The following RSPO1 variants were observed in gnomAD, a reference collection of about 807,000 sequenced individuals.
RSPO1 encodes the protein R-spondin 1.
RSPO1 carries 18 observed loss-of-function variants against 26.0 expected under a neutral mutation model. The ratio of observed to expected loss-of-function variants is 0.69; its 90% CI spans 0.48 to 1.03. RSPO1 has a LOEUF of 1.03. RSPO1 is among the 50% of genes least tolerant of loss of function. The pLI is 0.00. For synonymous variants in RSPO1, 133 were observed against 137.4 expected (o/e 0.97, Z 0.22); for missense variants, 309 against 352.3 (o/e 0.88, Z 0.98).
chr1:37,630,272 A>G (rs539733151), intron 2 of RSPO1, among the ~76,000 whole-genome samples: 1 of 152,238 alleles, frequency 6.6e-6, no homozygotes, highest in South Asian at 2.1e-4. Flanking sequence ...GTCCTTCCTT[A>G]AGTCTACCCT....
Position 37,634,399 on chromosome 1 carries a change from G to C in RSPO1, c.-356+167C>G, listed in dbSNP as rs1455133724. Among the ~76,000 whole-genome samples, 1 of 152,084 alleles carries C rather than the reference G, an allele frequency of 6.6e-6. No individual in the cohort carries two copies. On this transcript the variant is annotated intron_variant, in intron 1 of 6. Coordinates refer to ENST00000356545, the MANE Select transcript of RSPO1 (RefSeq NM_001242908.2). This position sits in a 1 kb window ranked among gnomAD's most constrained non-coding sequence, Gnocchi z 4.7. ...GCAGACTTGCAGGAAGGGTGCAGGA[G>C]GTGCCCTGTCCTGATCGCCGACCGG...
intron 3 of RSPO1, among the ~76,000 whole-genome samples, chr1:37,619,657 A>G (rs902106369): frequency 6.6e-6 from 1 of 152,216 alleles, no homozygotes; most frequent in Non-Finnish European, 1.5e-5. Context: ...GTGGCAGGCA[A>G]TGTTCTCAGT....
Position 37,613,003 on chromosome 1 carries a change from G to C in RSPO1, c.626-82C>G, listed in dbSNP as rs1380823335. Reference sequence around the variant, plus strand: ...CATGGCCACAGGCCCTAGGAGGGGAGTGTGAGGAAGCCGGAAGGGGAGGCA... The same window carrying C: ...CATGGCCACAGGCCCTAGGAGGGGACTGTGAGGAAGCCGGAAGGGGAGGCA... On this transcript the variant is annotated intron_variant, in intron 6 of 6. Transcript: ENST00000356545. This position sits in a 1 kb window ranked among gnomAD's most constrained non-coding sequence, Gnocchi z 4.5. 1 of 1,508,848 alleles carries C rather than the reference G, an allele frequency of 6.6e-7. No individual in the cohort carries two copies. The highest frequency in any genetic ancestry group is 1.4e-5 in the African/African-American group (1 of 72,882). 93.5% of individuals were successfully genotyped at this position (1,508,848 alleles called of 1,614,324 possible). A position where few individuals can be genotyped will look rare whatever the true frequency, so the allele number is the denominator to read the frequency against.
intron 3 of RSPO1, among the ~76,000 whole-genome samples, chr1:37,624,394 G>T (rs1453919994): frequency 1.3e-5 from 2 of 152,088 alleles, no homozygotes; most frequent in African/African-American, 4.8e-5. Context: ...GAGGGCAAGG[G>T]GTGCTTGTGG....
intron 3 of RSPO1, among the ~76,000 whole-genome samples, chr1:37,625,167 A>G (rs1644258165): frequency 6.6e-6 from 1 of 152,228 alleles, no homozygotes; most frequent in Admixed American, 6.5e-5. Flanking sequence ...ATCTGCTAAC[A>G]TGTCTTTTTC....
chr1:37,626,707 AGG>A (rs1293949465), intron 3 of RSPO1, among the ~76,000 whole-genome samples: 1 of 152,114 alleles, frequency 6.6e-6, no homozygotes, highest in Non-Finnish European at 1.5e-5. Context: ...AGAGGCACAA[AGG>A]GGGCTCCTGG....
chr1:37,633,334 A>C (rs953233758), intron 1 of RSPO1, among the ~76,000 whole-genome samples: 53 of 152,094 alleles, frequency 3.5e-4, no homozygotes, highest in African/African-American at 1.3e-3. Flanking sequence ...CAAAGTGGGG[A>C]CGGGGCTGGT....
chr1:37,623,242 A>G (rs1324980601), intron 3 of RSPO1, among the ~76,000 whole-genome samples: 1 of 145,044 alleles, frequency 6.9e-6, no homozygotes, highest in African/African-American at 2.6e-5. Context: ...GGGGGAGAGG[A>G]GAGGGGGCTC....
intron 2 of RSPO1, among the ~76,000 whole-genome samples, chr1:37,631,078 T>C (rs1312123830): frequency 1.3e-5 from 2 of 151,908 alleles, no homozygotes; most frequent in African/African-American, 4.8e-5. Flanking sequence ...GAGGTGCCCC[T>C]CCCACCCCCT....
In RSPO1 at chr1:37,612,787, C is replaced by G; in HGVS notation, c.760G>C (p.Val254Leu). 1.2e-6 allele frequency: 2 copies of G among 1,612,498 alleles called. No individual in the cohort carries two copies. Among genetic ancestry groups the G allele is most frequent in the Non-Finnish European group, 1.7e-6 (2 of 1,180,012 alleles). Residue 254 changes from valine (V) to leucine (L), a missense_variant, in exon 7 of 7, where the codon GTG becomes CTG. By Grantham distance (32) the Val-to-Leu change is conservative. Transcript: ENST00000356545. ...GGCCCTGCAGATGTGAGTGGCCCCA[C>G]TGTCCCTTGCTGCTGCTGCTGTTGC... ...GQQQQQQQGT[V>L]GPLTSAGPA is the part of the protein sequence containing the mutation.
Position 37,613,725 on chromosome 1 carries a change from T to C in RSPO1, c.604A>G (p.Arg202Gly). 2 of 1,613,704 alleles carry C rather than the reference T, an allele frequency of 1.2e-6. No individual in the cohort carries two copies. The highest frequency in any genetic ancestry group is 1.7e-6 in the Non-Finnish European group (2 of 1,179,948). The change falls in exon 6 of 7, where the codon AGG becomes GGG. Residue 202 changes from arginine (R) to glycine (G), a missense_variant. Physicochemically the swap from Arg to Gly is moderately radical, Grantham distance 125. Transcript: ENST00000356545. This position sits in a 1 kb window ranked among gnomAD's most constrained non-coding sequence, Gnocchi z 4.5. ...TCACCCTCAGGACACGGCACTCTCC[T>C]CACTGTGCACCTCCGGGTCTCCTTG... Reference protein sequence around the residue: ...DTKETRRCTVRRVPCPEGQKR... With the variant: ...DTKETRRCTVGRVPCPEGQKR...
At position 37,627,082 on chromosome 1, in the gene RSPO1, A is replaced by AC. The variant is rs546584066; in HGVS notation, c.94+2485dup. ...CTCCGAAATCAGACATGGCTTCAAA[A>AC]CTAGTGTATAATAGCTCAGAATGAG... On this transcript the variant is annotated intron_variant, in intron 3 of 6. Coordinates refer to ENST00000356545, the MANE Select transcript of RSPO1 (RefSeq NM_001242908.2). 6.6e-5 allele frequency among the ~76,000 whole-genome samples: 10 copies of AC among 152,256 alleles called. No individual in the cohort carries two copies. In the East Asian group the frequency reaches 1.4e-3, roughly 21 times the overall value.
At chr1:37,623,421 G>A (rs1644231370) in intron 3 of RSPO1, among the ~76,000 whole-genome samples, 1 of 152,236 alleles carries the variant, frequency 6.6e-6, no homozygotes, top group African/African-American at 2.4e-5. Context: ...TGGAGGTATA[G>A]CCACAAAAGC....
At position 37,629,647 on chromosome 1, in the gene RSPO1, C is replaced by G; in HGVS notation, c.15G>C (p.Leu5=). 1 of 1,614,168 alleles carries G rather than the reference C, an allele frequency of 6.2e-7. No homozygotes were observed. Among genetic ancestry groups the G allele is most frequent in the Non-Finnish European group, 8.5e-7 (1 of 1,180,034 alleles). The part of the protein sequence containing the change: MRLG[L]CVVALVLSWT... ...AGCTCAGAACCAGGGCCACCACACACAGCCCAAGCCGCATAGTCACGCGCC... is the reference window on the plus strand; with the variant it reads ...AGCTCAGAACCAGGGCCACCACACAGAGCCCAAGCCGCATAGTCACGCGCC... The change falls in exon 3 of 7, where the codon CTG becomes CTC. Residue 5 remains leucine (L), a synonymous_variant. Transcript: ENST00000356545.
At chr1:37,622,675 G>A (rs998515952) in intron 3 of RSPO1, among the ~76,000 whole-genome samples, 1 of 152,216 alleles carries the variant, frequency 6.6e-6, no homozygotes, top group African/African-American at 2.4e-5. Flanking sequence ...AGAGGTGCCA[G>A]GAATAAGGTT....
intron 3 of RSPO1, among the ~76,000 whole-genome samples, chr1:37,617,644 A>G (rs1205026930): frequency 1.4e-5 from 2 of 139,218 alleles, no homozygotes; most frequent in Non-Finnish European, 3.0e-5. Context: ...CCCGGATGAC[A>G]GAGCAAGACT....
chr1:37,628,642 A>G (rs532603853), intron 3 of RSPO1, among the ~76,000 whole-genome samples: 1 of 152,210 alleles, frequency 6.6e-6, no homozygotes, highest in East Asian at 1.9e-4. Context: ...CACAGTGGCC[A>G]CCCCTACAGC....
chr1:37,630,426 T>C (rs888097927), intron 2 of RSPO1, among the ~76,000 whole-genome samples: 2 of 152,310 alleles, frequency 1.3e-5, no homozygotes, highest in African/African-American at 4.8e-5. Flanking sequence ...GTTAGAGCAG[T>C]GGCCCCCGGC....
intron 3 of RSPO1, among the ~76,000 whole-genome samples, chr1:37,619,468 C>T (rs966261971): frequency 6.6e-6 from 1 of 152,220 alleles, no homozygotes; most frequent in African/African-American, 2.4e-5. Flanking sequence ...CTCCGGACAA[C>T]TGCTGGAGTG....
Sources: gnomAD v4.1 joint callset for allele counts (sites outside exome capture counted in the v4.1 genomes callset) on GRCh38, gnomAD v4.1.1 for gene constraint, Gnocchi (gnomAD v3.1) non-coding constraint, MANE v1.5 for transcripts, NCBI Gene and HGNC (gene_info 2026-07-23, HGNC 2026-07-21) for gene names.